SPTB: variants seen among roughly 807,000 people sequenced by gnomAD.
SPTB encodes the protein spectrin beta, erythrocytic, also known as spectrin beta chain, erythrocytic.
Under a neutral mutation model 256.2 loss-of-function variants are expected in SPTB, and 45 were observed. The ratio of observed to expected loss-of-function variants is 0.18; its 90% CI spans 0.14 to 0.23. SPTB has a LOEUF of 0.23. Ranked by LOEUF, SPTB falls within the 10% of genes least tolerant of loss-of-function variation. SPTB has a pLI of 1.00. For missense variants in SPTB, 2,715 were observed against 3,040.4 expected (o/e 0.89, Z 2.52); for synonymous variants, 1,231 against 1,243.1 (o/e 0.99, Z 0.21).
In SPTB at chr14:64,821,997, T is replaced by TG. The variant is rs1284892275; in HGVS notation, c.148+949dup. ...AACCTTCAATTTGGGCCATAAGGTA[T>TG]GGGGGCAGCGGGAGAATCACTCCAG... On this transcript the variant is annotated intron_variant, in intron 2 of 35. Coordinates refer to ENST00000644917, the MANE Select transcript of SPTB (RefSeq NM_001355436.2). Among the ~76,000 whole-genome samples the TG allele has an allele frequency of 2.0e-5, 3 of 151,826 alleles. 1 individual carries two copies. Among genetic ancestry groups the TG allele is most frequent in the South Asian group, 4.2e-4 (2 of 4,808 alleles).
At chr14:64,848,332 C>T (rs1438730812) in intron 1 of SPTB, among the ~76,000 whole-genome samples, 1 of 152,226 alleles carries the variant, frequency 6.6e-6, no homozygotes, top group African/African-American at 2.4e-5. Flanking sequence ...TTCTCGTTAA[C>T]ACCCACTCCA....
chr14:64,800,071 T>C, intron 8 of SPTB, 137 bp from the exon 9 acceptor site: 1 of 1,066,496 alleles, frequency 9.4e-7, no homozygotes, highest in East Asian at 2.4e-5. Flanking sequence ...GCTGGGTTTG[T>C]TCCCTGAGCC....
chr14:64,779,745 G>T lies in SPTB; in HGVS notation c.4453C>A (p.Arg1485=), dbSNP rs373557486. 1.1e-5 allele frequency: 17 copies of T among 1,613,934 alleles called. No individual in the cohort carries two copies. Among genetic ancestry groups the T allele is most frequent in the Middle Eastern group, 1.6e-4 (1 of 6,084 alleles). Residue 1485 remains arginine (R), a synonymous_variant, in exon 21 of 36, where the codon CGG becomes AGG. Transcript: ENST00000644917. The surrounding 1 kb of genome is among the most constrained non-coding windows in gnomAD (Gnocchi z 4.2). The part of the protein sequence containing the change: ...ESSRAKLQIS[R]DLEDETLWVE... ...CGCACCGTCTCATCCTCTAAGTCCC[G>T]GCTGATCTGCAGCTTGGCTCTGGAT...
rs1225138525 is a variant in SPTB at position 64,806,127 on chromosome 14, G to A, written c.149-1037C>T. ...GGAGAGAGGACAGAAGACTGGGATG[G>A]CACAAAAAAAAGAGAGAGAAAAGGA... On this transcript the variant is annotated intron_variant, in intron 2 of 35. Transcript: ENST00000644917. This position sits in a 1 kb window ranked among gnomAD's most constrained non-coding sequence, Gnocchi z 4.1. Among the ~76,000 whole-genome samples the A allele has an allele frequency of 1.5e-5, 2 of 134,810 alleles. No individual in the cohort carries two copies. The highest frequency in any genetic ancestry group is 2.3e-4 in the East Asian group (1 of 4,366). 88.4% of individuals were successfully genotyped at this position (134,810 alleles called of 152,430 possible). A position where few individuals can be genotyped will look rare whatever the true frequency, so the allele number is the denominator to read the frequency against.
intron 29 of SPTB, 40 bp from the exon 30 acceptor site, chr14:64,767,899 A>G: frequency 6.2e-7 from 1 of 1,606,546 alleles, no homozygotes; most frequent in Non-Finnish European, 8.5e-7. Flanking sequence ...CACAAGGCCC[A>G]GGGCCTGTTA....
intron 32 of SPTB, chr14:64,755,469 G>C (rs2082006586): frequency 6.6e-6 from 1 of 152,216 alleles, no homozygotes; most frequent in Admixed American, 6.5e-5. Context: ...TTACATGGTA[G>C]GGATCCAGTA....
intron 1 of SPTB, among the ~76,000 whole-genome samples, chr14:64,842,741 A>G (rs935514096): frequency 2.0e-5 from 3 of 152,160 alleles, no homozygotes; most frequent in African/African-American, 7.2e-5. Context: ...AGTTTCTCCA[A>G]TTATAAAATA....
chr14:64,797,528 ACAGGGGGATTGAAGGAG>A (rs960552097), intron 10 of SPTB, among the ~76,000 whole-genome samples, 184 bp downstream of exon 10: 10 of 140,620 alleles, frequency 7.1e-5, no homozygotes, highest in Non-Finnish European at 1.5e-4. Flanking sequence ...GGGCATCTGA[ACAGGGGGATTGAAGGAG>A]GGTGGGGGAG....
rs1394283404 is a variant in SPTB at position 64,786,573 on chromosome 14, T to C, written c.3392A>G (p.Gln1131Arg). The change falls in exon 16 of 36, where the codon CAG becomes CGG. Residue 1131 changes from glutamine (Q) to arginine (R), a missense_variant. Transcript: ENST00000644917. The surrounding 1 kb of genome is among the most constrained non-coding windows in gnomAD (Gnocchi z 5.6). ...KESGEKVIQGQTDPEYLLLGQ... is the reference protein window; with the variant it reads ...KESGEKVIQGRTDPEYLLLGQ... ...CAGAAGCAGATACTCTGGGTCCGTC[T>C]GGCCTTGGATCACTTTCTCCCCAGA... The C allele has an allele frequency of 6.2e-7, 1 of 1,614,194 alleles. No individual in the cohort carries two copies. The highest frequency in any genetic ancestry group is 8.5e-7 in the Non-Finnish European group (1 of 1,180,030).
chr14:64,752,166 A>T, intron 33 of SPTB: 2 of 1,336,366 alleles, frequency 1.5e-6, no homozygotes, highest in Non-Finnish European at 9.9e-7. Context: ...TTGGTGAGGG[A>T]ATCAAACTGA....
At chr14:64,803,248 C>T (rs2082921432) in intron 4 of SPTB, among the ~76,000 whole-genome samples, 1 of 152,160 alleles carries the variant, frequency 6.6e-6, no homozygotes, top group African/African-American at 2.4e-5. Flanking sequence ...ACACACAGAT[C>T]TTCTACACAA....
In SPTB at chr14:64,772,556, T is replaced by TG; in HGVS notation, c.5553+23dup. Reference sequence around the variant, plus strand: ...AGGGCTCCTGGAAATTGGTAGCAGGTGGGCGGCAGGGGGCTGAAGGTACCT... The same window carrying TG: ...AGGGCTCCTGGAAATTGGTAGCAGGTGGGGCGGCAGGGGGCTGAAGGTACCT... On this transcript the variant is annotated intron_variant, in intron 26 of 35. Coordinates refer to ENST00000644917, the MANE Select transcript of SPTB (RefSeq NM_001355436.2). This position sits in a 1 kb window ranked among gnomAD's most constrained non-coding sequence, Gnocchi z 5.4. The TG allele has an allele frequency of 4.4e-6, 7 of 1,600,828 alleles. No homozygotes were observed. The highest frequency in any genetic ancestry group is 5.9e-6 in the Non-Finnish European group (7 of 1,179,658).
chr14:64,769,186 T>G, intron 28 of SPTB, 68 bp from the exon 29 acceptor site: 1 of 1,434,112 alleles, frequency 7.0e-7, no homozygotes, highest in Non-Finnish European at 9.8e-7. Context: ...AGTGCGCAGA[T>G]GGGTCCTGCA....
At chr14:64,862,599 CG>C (rs2139805321) in intron 1 of SPTB, among the ~76,000 whole-genome samples, 1 of 152,070 alleles carries the variant, frequency 6.6e-6, no homozygotes, top group African/African-American at 2.4e-5. Context: ...GTGGCCTGGG[CG>C]CGGTGCCTCA....
rs2081856180 is a variant in SPTB at position 64,747,006 on chromosome 14, T to C, written c.*2300A>G. On this transcript the variant is annotated 3_prime_UTR_variant, in exon 36 of 36. Transcript: ENST00000644917. ...TTTCAGTCTAGTTGGTCGAATGTCT[T>C]GGAGCCTGGGTGACAGGAGGGATGT... The C allele has an allele frequency of 6.6e-6, 1 of 152,662 alleles. No individual in the cohort carries two copies. The highest frequency in any genetic ancestry group is 2.4e-5 in the African/African-American group (1 of 41,414). The allele number at this position is 152,662 out of a possible 1,614,324, so 9.5% of individuals were successfully genotyped here. A position where few individuals can be genotyped will look rare whatever the true frequency, so the allele number is the denominator to read the frequency against.
At position 64,753,613 on chromosome 14, in the gene SPTB, C is replaced by T. The variant is rs1156748134; in HGVS notation, c.6526G>A (p.Gly2176Arg). ...TAGCCTTCCATCTGCACACTCTGCC[C>T]ATGGTCCCGCGGGGCCGGCAGCGTT... ...PATLPAPRDH[G>R]QSVQMEGYLG... Residue 2176 changes from glycine to arginine, a missense_variant, in exon 33 of 36, where the codon GGG becomes AGG. This residue lies in a region of SPTB where 2,239 missense variants were observed against 2,384.4 expected (regional missense o/e 0.94). Coordinates refer to ENST00000644917, the MANE Select transcript of SPTB (RefSeq NM_001355436.2). 2 of 1,613,666 alleles carry T rather than the reference C, an allele frequency of 1.2e-6. No homozygotes were observed. Among genetic ancestry groups the T allele is most frequent in the East Asian group, 2.2e-5 (1 of 44,868 alleles).
intron 32 of SPTB, among the ~76,000 whole-genome samples, chr14:64,762,311 C>T (rs2082106829): frequency 1.3e-5 from 2 of 152,226 alleles, no homozygotes; most frequent in African/African-American, 4.8e-5. Flanking sequence ...AGAGCTTGTT[C>T]AGGCGAGAAG....
chr14:64,777,719 A>G lies in SPTB; in HGVS notation c.4563+1438T>C, dbSNP rs2082385623. Among the ~76,000 whole-genome samples the G allele has an allele frequency of 1.3e-5, 2 of 152,304 alleles. No homozygotes were observed. The highest frequency in any genetic ancestry group is 4.1e-4 in the South Asian group (2 of 4,834). ...AGAAGGCTTGTTAAAGGAGTTGCAT[A>G]TTGGAGTTTGACAACCATTGCAACA... On this transcript the variant is annotated intron_variant, in intron 22 of 35. Transcript: ENST00000644917. The surrounding 1 kb of genome is among the most constrained non-coding windows in gnomAD (Gnocchi z 4.5).
At position 64,825,121 on chromosome 14, in the gene SPTB, C is replaced by T. The variant is rs903584752; in HGVS notation, c.-51-1976G>A. Among the ~76,000 whole-genome samples the T allele has an allele frequency of 6.6e-6, 1 of 151,506 alleles. No individual in the cohort carries two copies. The highest frequency in any genetic ancestry group is 1.5e-5 in the Non-Finnish European group (1 of 67,864). ...GATCGGACAGGTTTCAGGAGGGCAG[C>T]TGGGGAAAGGACTGGAGCACAGTTT... is the stretch of plus-strand genomic sequence containing the variant. On this transcript the variant is annotated intron_variant, in intron 1 of 35. Transcript: ENST00000644917. This position sits in a 1 kb window ranked among gnomAD's most constrained non-coding sequence, Gnocchi z 4.8.
Sources: gnomAD v4.1 joint callset for allele counts (sites outside exome capture counted in the v4.1 genomes callset) on GRCh38, gnomAD v4.1.1 for gene constraint, gnomAD v4.1.1 regional missense constraint, Gnocchi (gnomAD v3.1) non-coding constraint, MANE v1.5 for transcripts, NCBI Gene and HGNC (gene_info 2026-07-23, HGNC 2026-07-21) for gene names.